ACYP2: variants seen among roughly 807,000 people sequenced by gnomAD.
ACYP2 encodes acylphosphatase-2.
ACYP2 carries 12 observed loss-of-function variants against 11.2 expected under a neutral mutation model. That is an observed-to-expected ratio of 1.08 (90% CI 0.69 to 1.74). The LOEUF is 1.74. ACYP2 is among the 40% of genes most tolerant of loss of function. ACYP2 has a pLI of 0.00. For missense variants in ACYP2, 134 were observed against 101.9 expected (o/e 1.31, Z -1.35); for synonymous variants, 43 against 32.2 (o/e 1.33, Z -1.13).
At chr2:54,003,940 C>T (rs564996780) in intron 2 of ACYP2, among the ~76,000 whole-genome samples, 7 of 152,036 alleles carry the variant, frequency 4.6e-5, no homozygotes, top group Admixed American at 6.6e-5. Flanking sequence ...CTCATAGATG[C>T]GTAGTGGTAC....
intron 6 of ACYP2, among the ~76,000 whole-genome samples, chr2:54,288,716 G>A (rs780613615): frequency 1.8e-4 from 28 of 152,016 alleles, no homozygotes; most frequent in Non-Finnish European, 4.0e-4. Context: ...CAACTCCACC[G>A]ATGTAACGGT....
At chr2:54,029,806 G>A in intron 2 of ACYP2, 2 of 554,836 alleles carry the variant, frequency 3.6e-6, no homozygotes, top group Non-Finnish European at 6.8e-6. Context: ...CACTTGGGGG[G>A]CATTCCTATT....
Position 54,235,404 on chromosome 2 carries a change from A to G in ACYP2, c.405-69284A>G, listed in dbSNP as rs1416965762. On this transcript the variant is annotated intron_variant, in intron 6 of 6. Transcript: ENST00000607452. Reference sequence around the variant, plus strand: ...CGCTCTGTCACCCAGGCTGGAGTCCAGTGGCGCAATCTCGGCTCACTGCAA... The same window carrying G: ...CGCTCTGTCACCCAGGCTGGAGTCCGGTGGCGCAATCTCGGCTCACTGCAA... 2.0e-5 allele frequency among the ~76,000 whole-genome samples: 3 copies of G among 152,104 alleles called. No individual in the cohort carries two copies. The East Asian group carries it at 5.8e-4, about 29-fold the overall frequency.
chr2:54,242,093 C>T (rs1465039212), intron 6 of ACYP2, among the ~76,000 whole-genome samples: 1 of 152,190 alleles, frequency 6.6e-6, no homozygotes, highest in Non-Finnish European at 1.5e-5. Context: ...AGTAAAAGTG[C>T]AGACGCTATG....
intron 4 of ACYP2, among the ~76,000 whole-genome samples, chr2:54,058,229 T>G (rs1273150349): frequency 6.6e-6 from 1 of 151,626 alleles, no homozygotes; most frequent in Admixed American, 6.6e-5. Flanking sequence ...TGGTTCTTTT[T>G]GGGGGCAGGG....
rs1467412561 is a variant in ACYP2 at position 53,971,134 on chromosome 2, A to G, written c.-224A>G. On this transcript the variant is annotated 5_prime_UTR_variant, in exon 1 of 7. Transcript: ENST00000607452. ...CGGTGGTGGCGGCAGCTGGAGCCCA[A>G]CGGGCTGCGCCTTCTTCGCCGTGGG... is the stretch of plus-strand genomic sequence containing the variant. The G allele has an allele frequency of 1.0e-5, 2 of 196,914 alleles. No individual in the cohort carries two copies. Among genetic ancestry groups the G allele is most frequent in the Non-Finnish European group, 2.0e-5 (2 of 98,118 alleles). 12.2% of individuals were successfully genotyped at this position (196,914 alleles called of 1,614,324 possible).
chr2:54,238,210 C>G (rs149416225), intron 6 of ACYP2, among the ~76,000 whole-genome samples: 89 of 152,268 alleles, frequency 5.8e-4, no homozygotes, highest in African/African-American at 2.0e-3. Context: ...CTTCATAGCA[C>G]TTACTACAAT....
At chr2:54,175,510 A>G (rs1229610275) in intron 6 of ACYP2, among the ~76,000 whole-genome samples, 1 of 151,632 alleles carries the variant, frequency 6.6e-6, no homozygotes, top group Non-Finnish European at 1.5e-5. Flanking sequence ...TTTTTGAAGC[A>G]TTTTTTGTAT....
intron 4 of ACYP2, among the ~76,000 whole-genome samples, chr2:54,123,575 C>T (rs887663148): frequency 6.6e-6 from 1 of 151,932 alleles, no homozygotes; most frequent in African/African-American, 2.4e-5. Context: ...TTTCCATCAC[C>T]CCTCCTTCCC....
intron 4 of ACYP2, among the ~76,000 whole-genome samples, chr2:54,110,232 C>G (rs2103716654): frequency 6.7e-6 from 1 of 149,140 alleles, no homozygotes; most frequent in East Asian, 1.9e-4. Context: ...CAAGTTTATT[C>G]TATCTAAACT....
intron 6 of ACYP2, among the ~76,000 whole-genome samples, chr2:54,233,674 C>T (rs1408873697): frequency 2.6e-5 from 4 of 152,094 alleles, no homozygotes; most frequent in African/African-American, 4.8e-5. Flanking sequence ...TGCTCCACAC[C>T]TGATCTACTT....
chr2:54,197,179 A>C (rs1327219944), intron 6 of ACYP2, among the ~76,000 whole-genome samples: 1 of 152,118 alleles, frequency 6.6e-6, no homozygotes, highest in Non-Finnish European at 1.5e-5. Context: ...AATGATGGAG[A>C]GGGGAGAATG....
chr2:54,023,056 C>T (rs183088255), intron 2 of ACYP2, among the ~76,000 whole-genome samples: 1 of 152,112 alleles, frequency 6.6e-6, no homozygotes, highest in Non-Finnish European at 1.5e-5. Context: ...GTTAATCTGT[C>T]TTTTGTTTTT....
chr2:54,286,485 A>G (rs1457748349), intron 6 of ACYP2, among the ~76,000 whole-genome samples: 1 of 152,044 alleles, frequency 6.6e-6, no homozygotes, highest in African/African-American at 2.4e-5. Context: ...TCAAGCCACT[A>G]TTACTGTGCT....
intron 3 of ACYP2, among the ~76,000 whole-genome samples, chr2:54,054,057 A>AG (rs1310389608): frequency 6.6e-6 from 1 of 152,224 alleles, no homozygotes; most frequent in African/African-American, 2.4e-5. Context: ...CTCAGGCCCT[A>AG]GGCCCAGATC....
At chr2:54,189,019 T>C (rs867967658) in intron 6 of ACYP2, among the ~76,000 whole-genome samples, 1 of 152,244 alleles carries the variant, frequency 6.6e-6, no homozygotes, top group South Asian at 2.1e-4. Flanking sequence ...ACAAACATGC[T>C]GTGATATCTC....
chr2:54,118,800 A>C (rs1288234983), intron 4 of ACYP2, among the ~76,000 whole-genome samples: 2 of 152,226 alleles, frequency 1.3e-5, no homozygotes, highest in African/African-American at 4.8e-5. Context: ...CATGCCCACT[A>C]TTGATCAAGG....
intron 2 of ACYP2, among the ~76,000 whole-genome samples, chr2:53,987,841 T>G (rs1672107933): frequency 6.6e-6 from 1 of 152,150 alleles, no homozygotes; most frequent in Non-Finnish European, 1.5e-5. Context: ...GCTTGTGGGT[T>G]TTTTTGTTTG....
At chr2:53,989,028 G>A (rs534028399) in intron 2 of ACYP2, among the ~76,000 whole-genome samples, 14 of 151,700 alleles carry the variant, frequency 9.2e-5, no homozygotes, top group South Asian at 8.4e-4. Context: ...GATTACAGGC[G>A]TGAGCCACCA....
Sources: gnomAD v4.1 joint callset for allele counts (sites outside exome capture counted in the v4.1 genomes callset) on GRCh38, gnomAD v4.1.1 for gene constraint, MANE v1.5 for transcripts, NCBI Gene and HGNC (gene_info 2026-07-23, HGNC 2026-07-21) for gene names.